Variants in MESD observed in about 807,000 individuals in gnomAD.
MESD encodes LRP chaperone MESD.
MESD carries 7 observed loss-of-function variants against 12.9 expected under a neutral mutation model. That is an observed-to-expected ratio of 0.54 (90% CI 0.31 to 1.02). MESD has a LOEUF of 1.02. MESD is among the 50% of genes least tolerant of loss of function. The pLI, the probability that MESD is intolerant of heterozygous loss-of-function variation, is 0.05. For missense variants in MESD, 342 were observed against 296.7 expected, an observed-to-expected ratio of 1.15 and a Z score of -1.12; for synonymous variants, 126 against 115.6, an observed-to-expected ratio of 1.09 and a Z score of -0.58.
chr15:80,983,961 C>T (rs1902658417), intron 1 of MESD, among the ~76,000 whole-genome samples: 1 of 130,176 alleles, frequency 7.7e-6, no homozygotes. Context: ...AGTGCAGTGG[C>T]ACGATCTCGG....
exon 4 of MESD, chr15:80,952,091 T>G (rs770074370): frequency 1.4e-5 from 6 of 439,530 alleles, no homozygotes; most frequent in Non-Finnish European, 2.8e-5. Context: ...GTCAGGAGGC[T>G]GTCACTTCAA....
intron 3 of MESD, among the ~76,000 whole-genome samples, chr15:80,958,274 T>A (rs1268432715): frequency 3.3e-5 from 5 of 152,178 alleles, no homozygotes; most frequent in Non-Finnish European, 5.9e-5. Flanking sequence ...TTATCAGGTA[T>A]AGAATTGTTG....
At chr15:80,952,880 C>T in intron 3 of MESD, 1 of 441,544 alleles carries the variant, frequency 2.3e-6, no homozygotes, top group South Asian at 1.6e-5. Flanking sequence ...CTGCTCTGTG[C>T]CAGGCACGGT....
downstream of MESD, among the ~76,000 whole-genome samples, chr15:80,973,949 T>A (rs1012433022): frequency 1.3e-5 from 2 of 151,650 alleles, no homozygotes; most frequent in Admixed American, 6.6e-5. Context: ...TACTACAGAG[T>A]GAAGCAAAGA....
chr15:80,968,773 T>G (rs991330679), intron 3 of MESD, among the ~76,000 whole-genome samples: 32 of 152,332 alleles, frequency 2.1e-4, no homozygotes, highest in East Asian at 1.9e-4. Context: ...AGTGAGGTCC[T>G]TAAATAACTT....
chr15:80,968,360 T>G (rs1902216936), intron 3 of MESD, among the ~76,000 whole-genome samples: 1 of 152,144 alleles, frequency 6.6e-6, no homozygotes, highest in Non-Finnish European at 1.5e-5. Context: ...CAAGCCACAG[T>G]GAAAACTGCA....
intron 2 of MESD, among the ~76,000 whole-genome samples, chr15:80,981,424 G>C (rs113285817): frequency 0.026 from 3,201 of 122,336 alleles, 133 homozygotes; most frequent in African/African-American, 0.093. Context: ...GCAACACAGT[G>C]AGACTCCGTC....
chr15:80,989,802 C>A lies in MESD; in HGVS notation c.-11G>T, dbSNP rs373078412. The A allele has an allele frequency of 3.3e-5, 51 of 1,558,544 alleles. No homozygotes were observed. The highest frequency in any genetic ancestry group is 4.2e-5 in the Non-Finnish European group (49 of 1,159,212). On this transcript the variant is annotated 5_prime_UTR_variant, in exon 1 of 3. Coordinates refer to ENST00000261758, the MANE Select transcript of MESD (RefSeq NM_015154.3). ...CCTGGAAGCCGCCATTTTCGCTGCGCCGCGCAGCGCCCTAGACGCGCTTAC... is the reference window on the plus strand; with the variant it reads ...CCTGGAAGCCGCCATTTTCGCTGCGACGCGCAGCGCCCTAGACGCGCTTAC...
downstream of MESD, among the ~76,000 whole-genome samples, chr15:80,971,683 G>C (rs1902291551): frequency 1.3e-5 from 2 of 152,130 alleles, no homozygotes; most frequent in Non-Finnish European, 2.9e-5. Context: ...CTGGAGTACA[G>C]TGACACAATC....
downstream of MESD, among the ~76,000 whole-genome samples, chr15:80,974,278 G>A (rs940851845): frequency 9.9e-5 from 15 of 152,188 alleles, no homozygotes; most frequent in African/African-American, 3.6e-4. Context: ...AAAAGAGCCA[G>A]CGAGAATTCA....
chr15:80,974,213 C>T (rs1902354768), downstream of MESD, among the ~76,000 whole-genome samples: 2 of 152,154 alleles, frequency 1.3e-5, no homozygotes, highest in Admixed American at 1.3e-4. Flanking sequence ...GAAGGCAGTA[C>T]TCCGCCCTGG....
chr15:80,946,887 C>A, downstream of MESD: 1 of 980,472 alleles, frequency 1.0e-6, no homozygotes, highest in East Asian at 2.5e-5. Flanking sequence ...CCACCATGCA[C>A]AAACCAACAT....
intron 1 of MESD, among the ~76,000 whole-genome samples, chr15:80,982,726 G>C (rs1354827573): frequency 6.6e-6 from 1 of 152,102 alleles, no homozygotes; most frequent in Non-Finnish European, 1.5e-5. Flanking sequence ...ACTTTTCTGG[G>C]GTGATGAAAA....
intron 2 of MESD, among the ~76,000 whole-genome samples, chr15:80,980,753 T>C (rs759274312): frequency 4.6e-5 from 7 of 151,756 alleles, no homozygotes; most frequent in African/African-American, 9.7e-5. Context: ...CTGGGCAACA[T>C]AGTGAGACCT....
intron 1 of MESD, among the ~76,000 whole-genome samples, chr15:80,988,337 T>A (rs1016622596): frequency 2.6e-5 from 4 of 152,200 alleles, no homozygotes; most frequent in African/African-American, 9.7e-5. Context: ...CACTCATCCA[T>A]CCTGTTATCT....
downstream of MESD, chr15:80,975,715 GAAGGA>G (rs1004813282): frequency 1.2e-4 from 19 of 152,198 alleles, no homozygotes; most frequent in African/African-American, 4.3e-4. Context: ...TGAGGATGAA[GAAGGA>G]AAGATGTGTA....
chr15:80,950,484 T>C (rs1351996464), intron 4 of MESD: 1 of 152,290 alleles, frequency 6.6e-6, no homozygotes, highest in African/African-American at 2.4e-5. Context: ...CTCCCCTTGG[T>C]GTTGGCGGTC....
chr15:80,982,676 G>T (rs367857599), intron 1 of MESD, among the ~76,000 whole-genome samples: 1 of 152,224 alleles, frequency 6.6e-6, no homozygotes, highest in Admixed American at 6.5e-5. Flanking sequence ...CCTGTAGAAG[G>T]GGGGACAAGG....
At chr15:80,960,382 A>AT (rs1902064210) in intron 3 of MESD, among the ~76,000 whole-genome samples, 1 of 147,274 alleles carries the variant, frequency 6.8e-6, no homozygotes, top group Non-Finnish European at 1.5e-5. Flanking sequence ...AAAAAAAAAA[A>AT]GCACGGAGAA....
Sources: gnomAD v4.1 joint callset for allele counts (sites outside exome capture counted in the v4.1 genomes callset) on GRCh38, gnomAD v4.1.1 for gene constraint, MANE v1.5 for transcripts, NCBI Gene and HGNC (gene_info 2026-07-23, HGNC 2026-07-21) for gene names.